The following EFL1 variants were observed in gnomAD, a reference collection of about 807,000 sequenced individuals.
The protein encoded by EFL1 is elongation factor like GTPase 1.
In EFL1, 76 loss-of-function variants were observed where a neutral mutation model predicts 126.7. The observed-to-expected ratio is 0.60, with a 90% confidence interval of 0.50 to 0.73. EFL1 has a LOEUF of 0.73. EFL1 is among the 30% of genes least tolerant of loss of function. The pLI is 0.00. For missense variants in EFL1, 1,128 were observed against 1,343.2 expected (o/e 0.84, Z 2.50); for synonymous variants, 410 against 448.4 (o/e 0.91, Z 1.08).
intron 3 of EFL1, among the ~76,000 whole-genome samples, chr15:82,255,189 C>T (rs1457909894): frequency 1.3e-5 from 2 of 152,142 alleles, no homozygotes; most frequent in East Asian, 3.8e-4. Context: ...ACTTTATTTT[C>T]TAAGTAAGAT....
intron 15 of EFL1, among the ~76,000 whole-genome samples, chr15:82,169,742 G>A (rs2074114550): frequency 6.6e-6 from 1 of 152,010 alleles, no homozygotes; most frequent in African/African-American, 2.4e-5. Context: ...AGCTCAGGAA[G>A]CTGTGCTTTC....
intron 7 of EFL1, among the ~76,000 whole-genome samples, chr15:82,231,930 T>A (rs2074826416): frequency 6.6e-6 from 1 of 152,184 alleles, no homozygotes; most frequent in African/African-American, 2.4e-5. Flanking sequence ...GATTCAGGCC[T>A]CCTCCTGGCT....
rs535453351 is a variant in EFL1 at position 82,221,894 on chromosome 15, C to T, written c.1293-1665G>A. Among the ~76,000 whole-genome samples, 60 of 152,356 alleles carry T rather than the reference C, an allele frequency of 3.9e-4. 1 individual carries two copies. In the Middle Eastern group the frequency reaches 0.01, roughly 26 times the overall value. On this transcript the variant is annotated intron_variant, in intron 12 of 19. Coordinates refer to ENST00000268206, the MANE Select transcript of EFL1 (RefSeq NM_024580.6). ...ACATCTAACAAACCTACTTCCCTCT[C>T]CTTTCCTTTGAATCACCAGCATTCA...
At chr15:82,231,755 T>C (rs1034025025) in intron 7 of EFL1, among the ~76,000 whole-genome samples, 2 of 152,162 alleles carry the variant, frequency 1.3e-5, no homozygotes, top group Non-Finnish European at 2.9e-5. Context: ...AAGGGTATAC[T>C]GATTAGAAAA....
intron 4 of EFL1, among the ~76,000 whole-genome samples, chr15:82,248,666 G>A (rs1270537738): frequency 6.6e-6 from 1 of 152,092 alleles, no homozygotes; most frequent in Non-Finnish European, 1.5e-5. Flanking sequence ...GCTGACTCTT[G>A]GGTGAATCCC....
intron 15 of EFL1, among the ~76,000 whole-genome samples, chr15:82,211,417 T>A (rs2074583661): frequency 6.6e-6 from 1 of 151,472 alleles, no homozygotes; most frequent in Non-Finnish European, 1.5e-5. Flanking sequence ...TCTCAGCTAC[T>A]CAGGAGGCTT....
intron 4 of EFL1, among the ~76,000 whole-genome samples, chr15:82,247,004 G>A (rs1169496628): frequency 6.6e-6 from 1 of 152,068 alleles, no homozygotes; most frequent in Non-Finnish European, 1.5e-5. Context: ...AGTTTTGTTG[G>A]GAAAAATATG....
At chr15:82,257,527 C>A (rs973745482) in intron 3 of EFL1, among the ~76,000 whole-genome samples, 2 of 152,120 alleles carry the variant, frequency 1.3e-5, no homozygotes, top group Non-Finnish European at 2.9e-5. Context: ...AAAAAAGTTT[C>A]CTAGTCAAGA....
chr15:82,253,859 C>T (rs551717148), intron 3 of EFL1, among the ~76,000 whole-genome samples: 1 of 152,296 alleles, frequency 6.6e-6, no homozygotes, highest in African/African-American at 2.4e-5. Flanking sequence ...AGATCCCATC[C>T]CTTTCCAACT....
At chr15:82,240,696 C>A in intron 5 of EFL1, 141 bp from the exon 6 acceptor site, 2 of 928,928 alleles carry the variant, frequency 2.2e-6, no homozygotes, top group East Asian at 2.6e-5. Context: ...ATGTATACAG[C>A]GGAGTAGCAA....
chr15:82,221,655 T>A (rs1012415716), intron 12 of EFL1, among the ~76,000 whole-genome samples: 1 of 152,122 alleles, frequency 6.6e-6, no homozygotes, highest in African/African-American at 2.4e-5. Context: ...GGCTGTGCAA[T>A]AGAATACAAA....
intron 15 of EFL1, among the ~76,000 whole-genome samples, chr15:82,176,896 T>A (rs926931032): frequency 1.3e-5 from 2 of 152,134 alleles, no homozygotes; most frequent in African/African-American, 4.8e-5. Flanking sequence ...GAAGAGTGGA[T>A]AAATAAACTG....
At chr15:82,251,344 T>A (rs990919699) in intron 4 of EFL1, among the ~76,000 whole-genome samples, 1 of 152,168 alleles carries the variant, frequency 6.6e-6, no homozygotes, top group East Asian at 1.9e-4. Flanking sequence ...CCTACAATAC[T>A]ACACCAGAAA....
intron 14 of EFL1, among the ~76,000 whole-genome samples, chr15:82,216,581 G>A (rs1237068063): frequency 5.9e-5 from 9 of 152,304 alleles, no homozygotes; most frequent in Non-Finnish European, 1.3e-4. Flanking sequence ...ATTTCTGACA[G>A]AGTGGACAAA....
At chr15:82,250,611 G>C (rs925344623) in intron 4 of EFL1, among the ~76,000 whole-genome samples, 21 of 151,588 alleles carry the variant, frequency 1.4e-4, no homozygotes, top group African/African-American at 4.4e-4. Context: ...CATGACAGTA[G>C]GCAAAAGCTA....
chr15:82,231,622 G>C (rs1214832167), intron 7 of EFL1, among the ~76,000 whole-genome samples: 1 of 150,966 alleles, frequency 6.6e-6, no homozygotes, highest in Non-Finnish European at 1.5e-5. Context: ...TTTGAGATTA[G>C]AATTTTCAAA....
chr15:82,192,719 C>T (rs1267730583), intron 15 of EFL1, among the ~76,000 whole-genome samples: 1 of 152,078 alleles, frequency 6.6e-6, no homozygotes. Flanking sequence ...TGAGAAATTG[C>T]CCAGGGACAG....
chr15:82,168,162 CCT>C (rs1330997650), intron 15 of EFL1, among the ~76,000 whole-genome samples: 7 of 152,192 alleles, frequency 4.6e-5, no homozygotes, highest in Admixed American at 4.6e-4. Flanking sequence ...CAGCTCATAT[CCT>C]CTGTTTCCAA....
At position 82,138,833 on chromosome 15, in the gene EFL1, T is replaced by A. The variant is rs576849604; in HGVS notation, c.2999A>T (p.Tyr1000Phe). 1 of 1,613,232 alleles carries A rather than the reference T, an allele frequency of 6.2e-7. No individual in the cohort carries two copies. Among genetic ancestry groups the A allele is most frequent in the African/African-American group, 1.3e-5 (1 of 74,852 alleles). The change falls in exon 19 of 20, where the codon TAT becomes TTT. Residue 1000 changes from tyrosine to phenylalanine, a missense_variant. By Grantham distance (22) the Tyr-to-Phe change is conservative (BLOSUM62 3). This residue lies in a region of EFL1 where 561 missense variants were observed against 641.7 expected (regional missense o/e 0.87). Coordinates refer to ENST00000268206, the MANE Select transcript of EFL1 (RefSeq NM_024580.6). Reference sequence around the variant, plus strand: ...ACCTTCTCTCTTTGACAAGACAGCATAGACTCGACCTGTAAAACCATAAAT... The same window carrying A: ...ACCTTCTCTCTTTGACAAGACAGCAAAGACTCGACCTGTAAAACCATAAAT... ...MATGDVLGRV[Y>F]AVLSKREGRV...
Sources: allele counts gnomAD v4.1 joint callset (sites outside exome capture counted in the v4.1 genomes callset), GRCh38; gene constraint gnomAD v4.1.1; regional missense constraint gnomAD v4.1.1; transcripts MANE v1.5; gene names NCBI Gene and HGNC (gene_info 2026-07-23, HGNC 2026-07-21).